The following BCKDHB variants were observed in gnomAD, a reference collection of about 807,000 sequenced individuals.
BCKDHB encodes 2-oxoisovalerate dehydrogenase subunit beta, mitochondrial.
Under a neutral mutation model 48.5 loss-of-function variants are expected in BCKDHB, and 41 were observed. That is an observed-to-expected ratio of 0.85 (90% CI 0.66 to 1.10). BCKDHB has a LOEUF of 1.10. Among genes scored for constraint, BCKDHB ranks in the 50% least tolerant of loss-of-function variants. The probability of loss-of-function intolerance (pLI) is 0.00; values close to 1 mark genes in which losing one functional copy is unlikely to be tolerated. For missense variants in BCKDHB, 496 were observed against 494.2 expected (o/e 1.00, Z -0.03); for synonymous variants, 201 against 174.8 (o/e 1.15, Z -1.18).
At chr6:80,456,344 C>G in the BCKDHB span, among the ~76,000 whole-genome samples, 1 of 152,094 alleles carries the variant, frequency 6.6e-6, no homozygotes, top group Non-Finnish European at 1.5e-5. Flanking sequence ...CAACAAAATC[C>G]AAGGTACTTC....
the BCKDHB span, among the ~76,000 whole-genome samples, chr6:80,351,310 CTA>C: frequency 4.9e-3 from 740 of 152,184 alleles, 8 homozygotes; most frequent in African/African-American, 0.017. Context: ...TTTAAGGTGT[CTA>C]TGTGTGTGTG....
At chr6:80,362,922 T>A in the BCKDHB span, among the ~76,000 whole-genome samples, 1 of 152,188 alleles carries the variant, frequency 6.6e-6, no homozygotes, top group Non-Finnish European at 1.5e-5. Context: ...AGATGTAAGT[T>A]TAAATAAAGC....
chr6:80,349,742 A>G (rs1770343379), downstream of BCKDHB, among the ~76,000 whole-genome samples: 1 of 152,172 alleles, frequency 6.6e-6, no homozygotes, highest in African/African-American at 2.4e-5. Context: ...ATGACAGTTA[A>G]ATCCTTTATG....
intron 8 of BCKDHB, among the ~76,000 whole-genome samples, chr6:80,211,299 C>T (rs1363074988): frequency 1.3e-5 from 2 of 152,172 alleles, no homozygotes; most frequent in East Asian, 3.9e-4. Flanking sequence ...TTATACCGTA[C>T]AGTCTTTTTA....
At chr6:80,323,545 T>A (rs114089114) in intron 9 of BCKDHB, among the ~76,000 whole-genome samples, 215 of 152,320 alleles carry the variant, frequency 1.4e-3, no homozygotes, top group African/African-American at 5.1e-3. Context: ...CAAACTGTTC[T>A]ACAGTAGAGA....
intron 9 of BCKDHB, among the ~76,000 whole-genome samples, chr6:80,284,282 G>C (rs1003850611): frequency 6.6e-6 from 1 of 152,086 alleles, no homozygotes; most frequent in Admixed American, 6.5e-5. Flanking sequence ...TTAAACACTT[G>C]TGAAAATTAA....
At chr6:80,328,110 A>G (rs890612057) in intron 9 of BCKDHB, among the ~76,000 whole-genome samples, 1 of 152,288 alleles carries the variant, frequency 6.6e-6, no homozygotes, top group South Asian at 2.1e-4. Context: ...TGAGGGACTA[A>G]GGACTTTCAA....
At chr6:80,321,999 A>G (rs1254893154) in intron 9 of BCKDHB, among the ~76,000 whole-genome samples, 1 of 152,224 alleles carries the variant, frequency 6.6e-6, no homozygotes, top group African/African-American at 2.4e-5. Flanking sequence ...AGCAATGATT[A>G]ATAGAATGTG....
intron 3 of BCKDHB, among the ~76,000 whole-genome samples, chr6:80,144,210 A>T (rs1028288662): frequency 2.6e-5 from 4 of 152,182 alleles, no homozygotes; most frequent in African/African-American, 7.2e-5. Flanking sequence ...ATTCAGATCT[A>T]AATTAAGCAT....
intron 9 of BCKDHB, among the ~76,000 whole-genome samples, chr6:80,310,630 G>A (rs879292144): frequency 3.3e-5 from 5 of 152,054 alleles, no homozygotes; most frequent in African/African-American, 9.7e-5. Context: ...TAATGGGATC[G>A]CTGGGTCAAA....
chr6:80,158,989 G>A (rs1772186620), intron 3 of BCKDHB, among the ~76,000 whole-genome samples: 1 of 152,072 alleles, frequency 6.6e-6, no homozygotes, highest in African/African-American at 2.4e-5. Flanking sequence ...CCTAATTTAC[G>A]ATGCTAATAT....
At chr6:80,277,396 A>G (rs1460203190) in intron 9 of BCKDHB, among the ~76,000 whole-genome samples, 6 of 152,030 alleles carry the variant, frequency 3.9e-5, no homozygotes, top group African/African-American at 7.2e-5. Context: ...AATGTTCAAC[A>G]TAGCTATTAT....
At chr6:80,297,277 A>C (rs1375259140) in intron 9 of BCKDHB, among the ~76,000 whole-genome samples, 1 of 152,206 alleles carries the variant, frequency 6.6e-6, no homozygotes, top group Non-Finnish European at 1.5e-5. Flanking sequence ...CAAATGTTTA[A>C]ATTTTGAAGA....
intron 8 of BCKDHB, among the ~76,000 whole-genome samples, chr6:80,238,935 C>T (rs1480823670): frequency 6.6e-6 from 1 of 152,118 alleles, no homozygotes; most frequent in Non-Finnish European, 1.5e-5. Context: ...TGAACTCATC[C>T]TTTTTTATGG....
intron 1 of BCKDHB, among the ~76,000 whole-genome samples, chr6:80,119,067 A>G (rs551906817): frequency 2.4e-4 from 36 of 152,212 alleles, no homozygotes; most frequent in African/African-American, 8.4e-4. Context: ...AGGCTGGCGG[A>G]TCATCTGAGC....
chr6:80,187,737 C>T (rs2127800398), intron 6 of BCKDHB, among the ~76,000 whole-genome samples: 1 of 152,216 alleles, frequency 6.6e-6, no homozygotes, highest in African/African-American at 2.4e-5. Context: ...TGCTCAACAT[C>T]ACCCATCATT....
At position 80,195,510 on chromosome 6, in the gene BCKDHB, A is replaced by C. The variant is rs371355469; in HGVS notation, c.743-5424A>C. 6.6e-5 allele frequency among the ~76,000 whole-genome samples: 10 copies of C among 152,340 alleles called. No homozygotes were observed. The East Asian group carries it at 1.5e-3, about 23-fold the overall frequency. ...AGTTGTAATATAGAAATCCAATATT[A>C]GTTTATAGTTGATTATCAGTTTTAT... On this transcript the variant is annotated intron_variant, in intron 6 of 9. Transcript: ENST00000320393.
intron 4 of BCKDHB, 132 bp from the exon 5 acceptor site, chr6:80,168,743 G>C (rs565237138): frequency 1.7e-4 from 164 of 990,280 alleles, no homozygotes; most frequent in Non-Finnish European, 2.4e-4. Flanking sequence ...GGGGAGGGAG[G>C]CAGGGAGGGA....
chr6:80,298,965 C>T (rs142730257), intron 9 of BCKDHB, among the ~76,000 whole-genome samples: 91 of 152,252 alleles, frequency 6.0e-4, no homozygotes, highest in Middle Eastern at 3.4e-3. Flanking sequence ...AATTCTGTCA[C>T]CCATAGCCGT....
Sources: allele counts gnomAD v4.1 joint callset (sites outside exome capture counted in the v4.1 genomes callset), GRCh38; gene constraint gnomAD v4.1.1; transcripts MANE v1.5; gene names NCBI Gene and HGNC (gene_info 2026-07-23, HGNC 2026-07-21).